RAD51B: variants seen among roughly 807,000 people sequenced by gnomAD.
The protein encoded by RAD51B is DNA repair protein RAD51 homolog 2.
A neutral mutation model predicts 42.2 loss-of-function variants in RAD51B; 38 were observed. The observed-to-expected ratio is 0.90, with a 90% CI of 0.70 to 1.18. The LOEUF (loss-of-function observed/expected upper bound fraction) is 1.18, where lower values mean the gene tolerates loss of function less well. Among genes scored for constraint, RAD51B ranks in the 50% most tolerant of loss-of-function variants. The pLI is 0.00. For synonymous variants in RAD51B, 154 were observed against 145.2 expected (o/e 1.06, Z -0.43); for missense variants, 373 against 400.7 (o/e 0.93, Z 0.59).
intron 10 of RAD51B, among the ~76,000 whole-genome samples, chr14:68,555,105 CAA>C (rs1888768873): frequency 6.6e-6 from 1 of 152,166 alleles, no homozygotes; most frequent in Admixed American, 6.5e-5. Flanking sequence ...CTCAGCCTCC[CAA>C]AGTGCTGGGA....
At chr14:68,585,540 G>A (rs1890420233) in intron 10 of RAD51B, among the ~76,000 whole-genome samples, 1 of 152,176 alleles carries the variant, frequency 6.6e-6, no homozygotes, top group Non-Finnish European at 1.5e-5. Context: ...GGGATAAAGG[G>A]AGCAACAAAC....
chr14:67,882,893 C>T (rs948072533), intron 5 of RAD51B, among the ~76,000 whole-genome samples: 11 of 152,072 alleles, frequency 7.2e-5, no homozygotes, highest in African/African-American at 2.4e-4. Flanking sequence ...TACAGGCGCC[C>T]GTCACCACAC....
At position 68,280,118 on chromosome 14, in the gene RAD51B, C is replaced by T. The variant is rs1161946099; in HGVS notation, c.757-11766C>T. On this transcript the variant is annotated intron_variant, in intron 7 of 10. Transcript: ENST00000471583. ...TAGAACCCAGGAGTCTGTGTCCTTT[C>T]CCTTGCCGGACCTACTGGAGCATGG... Among the ~76,000 whole-genome samples, 4 of 152,234 alleles carry T rather than the reference C, an allele frequency of 2.6e-5. No homozygotes were observed. In the East Asian group the frequency reaches 7.7e-4, roughly 29 times the overall value.
chr14:68,388,096 T>A (rs67402169), intron 8 of RAD51B, among the ~76,000 whole-genome samples: 4,421 of 90,952 alleles, frequency 0.049, 82 homozygotes, highest in African/African-American at 0.093. Flanking sequence ...ATATATATAT[T>A]TTTTTTTTTT....
At position 67,865,000 on chromosome 14, in the gene RAD51B, T is replaced by G; in HGVS notation, c.316-3T>G. ...TTTTTTTTTTTTTTTTTTTTTTTTTTAGATTACAGGTCCACCAGGTTGTGG... is the reference window on the plus strand; with the variant it reads ...TTTTTTTTTTTTTTTTTTTTTTTTTGAGATTACAGGTCCACCAGGTTGTGG... On this transcript the variant is annotated splice_polypyrimidine_tract_variant and splice_region_variant and intron_variant, in intron 4 of 10. Coordinates refer to ENST00000471583, the MANE Select transcript of RAD51B (RefSeq NM_133510.4). The G allele has an allele frequency of 8.5e-7, 1 of 1,180,706 alleles. No individual in the cohort carries two copies. Among genetic ancestry groups the G allele is most frequent in the South Asian group, 1.7e-5 (1 of 60,268 alleles). The allele number at this position is 1,180,706 out of a possible 1,614,324, so 73.1% of individuals were successfully genotyped here.
chr14:68,422,601 C>T (rs955422963), intron 9 of RAD51B, among the ~76,000 whole-genome samples: 6 of 149,896 alleles, frequency 4.0e-5, no homozygotes, highest in African/African-American at 1.5e-4. Context: ...GAATGGGAAG[C>T]AGACAAAAGG....
At chr14:68,350,439 A>G (rs1390474619) in intron 8 of RAD51B, among the ~76,000 whole-genome samples, 1 of 152,228 alleles carries the variant, frequency 6.6e-6, no homozygotes, top group Non-Finnish European at 1.5e-5. Flanking sequence ...GAAGTAATTG[A>G]GACACTAAAC....
At chr14:68,621,917 A>G (rs1891958500) in intron 10 of RAD51B, among the ~76,000 whole-genome samples, 1 of 152,144 alleles carries the variant, frequency 6.6e-6, no homozygotes, top group Non-Finnish European at 1.5e-5. Flanking sequence ...AGCAGCCCCA[A>G]CGCCACTCCC....
At chr14:67,903,552 A>G (rs1329473993) in intron 7 of RAD51B, among the ~76,000 whole-genome samples, 11 of 152,204 alleles carry the variant, frequency 7.2e-5, no homozygotes, top group Non-Finnish European at 1.6e-4. Flanking sequence ...TGTTTGTGGC[A>G]GATACTGTTA....
At chr14:68,676,314 A>G (rs907764021) in intron 11 of RAD51B, among the ~76,000 whole-genome samples, 9 of 152,170 alleles carry the variant, frequency 5.9e-5, no homozygotes, top group Non-Finnish European at 1.3e-4. Context: ...CCACCACAGC[A>G]AGCTGGCTGT....
At chr14:68,215,857 T>C (rs2079803541) in intron 7 of RAD51B, among the ~76,000 whole-genome samples, 1 of 152,192 alleles carries the variant, frequency 6.6e-6, no homozygotes, top group South Asian at 2.1e-4. Context: ...TTTTGTAACA[T>C]AGAGGAACTT....
intron 5 of RAD51B, among the ~76,000 whole-genome samples, chr14:67,870,981 G>A (rs1336682139): frequency 1.3e-5 from 2 of 150,874 alleles, no homozygotes; most frequent in Non-Finnish European, 2.9e-5. Flanking sequence ...ACAAGAGAAA[G>A]CAGGAAAGAT....
chr14:68,554,477 A>G (rs1410168268), intron 10 of RAD51B, among the ~76,000 whole-genome samples: 1 of 152,102 alleles, frequency 6.6e-6, no homozygotes, highest in Non-Finnish European at 1.5e-5. Context: ...TCTCCCCCAC[A>G]TGCCGACACA....
chr14:68,371,578 C>T (rs768324786), intron 8 of RAD51B, among the ~76,000 whole-genome samples: 3 of 152,012 alleles, frequency 2.0e-5, no homozygotes, highest in East Asian at 1.9e-4. Flanking sequence ...AGTGACCGGG[C>T]GTGGTGGCTT....
chr14:68,648,036 T>TATATATATATATATATATAC lies in RAD51B; in HGVS notation c.1037-2744_1037-2743insTATATATATATATATATACA, dbSNP rs375269798. On this transcript the variant is annotated intron_variant, in intron 10 of 11. Transcript: ENST00000488612. ...ATATATATATACGTATATATATATA[T>TATATATATATATATATATAC]ACACACGTATATAGATGTGTGTGTG... Among the ~76,000 whole-genome samples, 170 of 114,002 alleles carry TATATATATATATATATATAC rather than the reference T, an allele frequency of 1.5e-3. 10 individuals carry two copies. In the South Asian group the frequency reaches 0.02, roughly 13 times the overall value. 74.8% of individuals were successfully genotyped at this position (114,002 alleles called of 152,430 possible). A position where few individuals can be genotyped will look rare whatever the true frequency, so the allele number is the denominator to read the frequency against.
intron 7 of RAD51B, among the ~76,000 whole-genome samples, chr14:68,241,452 G>A (rs1298057551): frequency 2.0e-5 from 3 of 152,162 alleles, no homozygotes; most frequent in Non-Finnish European, 2.9e-5. Flanking sequence ...TGAGGCAGGA[G>A]AGTGGCATGA....
intron 7 of RAD51B, among the ~76,000 whole-genome samples, chr14:68,125,814 A>T (rs1000177938): frequency 1.3e-5 from 2 of 151,578 alleles, no homozygotes; most frequent in Non-Finnish European, 2.9e-5. Flanking sequence ...CTTAAATATC[A>T]TGTAATTGGC....
chr14:68,247,774 C>A (rs2080530724), intron 7 of RAD51B, among the ~76,000 whole-genome samples: 1 of 152,096 alleles, frequency 6.6e-6, no homozygotes, highest in South Asian at 2.1e-4. Flanking sequence ...TTCTTTTAAT[C>A]CTGAAAGCAC....
At chr14:67,945,229 T>C (rs531197178) in intron 7 of RAD51B, among the ~76,000 whole-genome samples, 2 of 152,318 alleles carry the variant, frequency 1.3e-5, no homozygotes, top group African/African-American at 2.4e-5. Flanking sequence ...GAGAGATTAA[T>C]GTGGTTTGTG....
Sources: gnomAD v4.1 joint callset for allele counts (sites outside exome capture counted in the v4.1 genomes callset) on GRCh38, gnomAD v4.1.1 for gene constraint, MANE v1.5 for transcripts, NCBI Gene and HGNC (gene_info 2026-07-23, HGNC 2026-07-21) for gene names.